The following WDR90 variants were observed in gnomAD, a reference collection of about 807,000 sequenced individuals.
WDR90 encodes WD repeat domain 90, also known as WD repeat-containing protein 90.
Under a neutral mutation model 195.2 loss-of-function variants are expected in WDR90, and 238 were observed. The ratio of observed to expected loss-of-function variants is 1.22; its 90% confidence interval spans 1.10 to 1.36. The LOEUF (loss-of-function observed/expected upper bound fraction) is 1.36. WDR90 is among the 40% of genes most tolerant of loss of function. The pLI is 0.00. For synonymous variants in WDR90, 1,265 were observed against 1,052.4 expected, an observed-to-expected ratio of 1.20 and a Z score of -3.91; for missense variants, 2,734 against 2,439.5, an observed-to-expected ratio of 1.12 and a Z score of -2.54.
At chr16:663,438 G>GAA in intron 34 of WDR90, 3 of 190,850 alleles carry the variant, frequency 1.6e-5, no homozygotes, top group Non-Finnish European at 3.3e-5. Context: ...CATCTCAAAG[G>GAA]AAAAAAAAAA....
At chr16:660,453 C>G (rs1234498813) in intron 27 of WDR90, 159 bp from the exon 28 acceptor site, 1 of 744,656 alleles carries the variant, frequency 1.3e-6, no homozygotes, top group African/African-American at 1.8e-5. Context: ...TGGCACAGTG[C>G]CCACAGCTCC....
chr16:664,343 T>C (rs1370304255), intron 34 of WDR90, among the ~76,000 whole-genome samples: 1 of 152,214 alleles, frequency 6.6e-6, no homozygotes, highest in East Asian at 1.9e-4. Flanking sequence ...ACCCTGAGCA[T>C]GGTTTCCAGG....
intron 1 of WDR90, 30 bp from the exon 2 acceptor site, chr16:649,733 C>A (rs1296634864): frequency 3.9e-6 from 6 of 1,543,262 alleles, no homozygotes; most frequent in South Asian, 1.2e-5. Flanking sequence ...GTGGCCGAGT[C>A]CCCTGACGCC....
chr16:650,308 A>T lies in WDR90; in HGVS notation c.334A>T (p.Thr112Ser). The change falls in exon 4 of 41, where the codon ACG becomes TCG. Residue 112 changes from threonine to serine, a missense_variant. Physicochemically the swap from Thr to Ser is moderately conservative, Grantham distance 58 (BLOSUM62 1). Transcript: ENST00000293879. ...CAACCTCTTCAAGGAGTTTAAGTCT[A>T]CGGCCACGTGGCTCCAGTTTCCCTT... ...FSNLFKEFKS[T>S]ATWLQFPLVL... The T allele has an allele frequency of 6.2e-7, 1 of 1,612,958 alleles. No homozygotes were observed. The highest frequency in any genetic ancestry group is 8.5e-7 in the Non-Finnish European group (1 of 1,179,974).
intron 34 of WDR90, chr16:663,702 C>G (rs1201782881): frequency 6.5e-6 from 1 of 152,760 alleles, no homozygotes; most frequent in Non-Finnish European, 1.5e-5. Context: ...ACTCATCTCT[C>G]TGGGACCTCC....
At chr16:652,654 C>A in intron 10 of WDR90, 119 bp downstream of exon 10, 6 of 1,117,220 alleles carry the variant, frequency 5.4e-6, no homozygotes, top group Non-Finnish European at 7.1e-6. Context: ...GCTCCCGAGC[C>A]CCCCTGGCAC....
At chr16:661,549 G>C (rs908834534) in intron 30 of WDR90, 48 bp downstream of exon 30, 3 of 1,580,572 alleles carry the variant, frequency 1.9e-6, no homozygotes, top group Non-Finnish European at 2.6e-6. Context: ...AGACCCCGGG[G>C]GGGGCTGCAT....
chr16:667,780 T>C lies in WDR90; in HGVS notation c.*191T>C, dbSNP rs1365857677. 3 of 759,744 alleles carry C rather than the reference T, an allele frequency of 3.9e-6. No homozygotes were observed. Among genetic ancestry groups the C allele is most frequent in the East Asian group, 2.7e-5 (1 of 36,854 alleles). 47.1% of individuals were successfully genotyped at this position (759,744 alleles called of 1,614,324 possible). On this transcript the variant is annotated 3_prime_UTR_variant, in exon 41 of 41. Transcript: ENST00000293879. ...CTTTCATACCTGTTGCCCTTTTGCC[T>C]AAGAAATCTTTAATGTTTCTATCTT...
chr16:649,827 C>G lies in WDR90; in HGVS notation c.75C>G (p.Ala25=). 1 of 1,582,924 alleles carries G rather than the reference C, an allele frequency of 6.3e-7. No individual in the cohort carries two copies. The highest frequency in any genetic ancestry group is 8.6e-7 in the Non-Finnish European group (1 of 1,165,108). The change falls in exon 2 of 41, where the codon GCC becomes GCG. Residue 25 remains alanine, a synonymous_variant. Transcript: ENST00000293879. ...HFRVDEWKRS[A]KQGDVAVVTD... The stretch of plus-strand genomic sequence containing the variant: ...GGGTGGACGAGTGGAAGCGCTCCGC[C>G]AAGCAGGGGGACGTGGCCGTGGTCA...
At chr16:650,870 A>T (rs538179777) in intron 5 of WDR90, 125 bp from the exon 6 acceptor site, 3 of 1,474,164 alleles carry the variant, frequency 2.0e-6, no homozygotes, top group Admixed American at 3.5e-5. Context: ...GTCAGAACCC[A>T]TCCCAGAGGC....
Position 665,933 on chromosome 16 carries a change from C to A in WDR90, c.4435-17C>A. On this transcript the variant is annotated splice_polypyrimidine_tract_variant and intron_variant, in intron 35 of 40. Transcript: ENST00000293879. Reference sequence around the variant, plus strand: ...GGCCCCTGTGAGTGCTGAAGTTTCCCCACTGTGGGTCCCCAGAGCTGCCTC... The same window carrying A: ...GGCCCCTGTGAGTGCTGAAGTTTCCACACTGTGGGTCCCCAGAGCTGCCTC... 6.4e-7 allele frequency: 1 copy of A among 1,573,688 alleles called. No homozygotes were observed. Among genetic ancestry groups the A allele is most frequent in the Non-Finnish European group, 8.6e-7 (1 of 1,159,998 alleles).
chr16:662,128 G>C (rs2037930071), intron 32 of WDR90, 69 bp downstream of exon 32: 1 of 1,557,784 alleles, frequency 6.4e-7, no homozygotes, highest in Non-Finnish European at 8.7e-7. Flanking sequence ...TGGGGCAGAG[G>C]CCTCATCTGT....
chr16:660,914 G>C lies in WDR90; in HGVS notation c.3392-137G>C, dbSNP rs1383323306. 10 of 791,420 alleles carry C rather than the reference G, an allele frequency of 1.3e-5. No homozygotes were observed. The East Asian group carries it at 3.9e-4, about 31-fold the overall frequency. 49.0% of individuals were successfully genotyped at this position (791,420 alleles called of 1,614,324 possible). A position where few individuals can be genotyped will look rare whatever the true frequency, so the allele number is the denominator to read the frequency against. ...GCTACTGGACGCTGGGGAGGGCGCA[G>C]CTGGGACGATGCTAACCCCTTGGCC... On this transcript the variant is annotated intron_variant, in intron 28 of 40. Coordinates refer to ENST00000293879, the MANE Select transcript of WDR90 (RefSeq NM_145294.5).
At position 666,829 on chromosome 16, in the gene WDR90, G is replaced by A. The variant is rs371866800; in HGVS notation, c.5004+37G>A. 196 of 1,612,694 alleles carry A rather than the reference G, an allele frequency of 1.2e-4. No individual in the cohort carries two copies. The African/African-American group carries it at 2.5e-3, about 20-fold the overall frequency. On this transcript the variant is annotated intron_variant, in intron 39 of 40. Coordinates refer to ENST00000293879, the MANE Select transcript of WDR90 (RefSeq NM_145294.5). Reference sequence around the variant, plus strand: ...TGCCCGCGTGTCACTGGGAGCCCCAGGGATCCAGGGTGGTGGGTGGGGCCT... The same window carrying A: ...TGCCCGCGTGTCACTGGGAGCCCCAAGGATCCAGGGTGGTGGGTGGGGCCT...
At position 666,819 on chromosome 16, in the gene WDR90, G is replaced by T. The variant is rs1486752578; in HGVS notation, c.5004+27G>T. 2.5e-6 allele frequency: 4 copies of T among 1,612,702 alleles called. 1 individual carries two copies. In the South Asian group the frequency reaches 4.4e-5, roughly 18 times the overall value. On this transcript the variant is annotated intron_variant, in intron 39 of 40. Coordinates refer to ENST00000293879, the MANE Select transcript of WDR90 (RefSeq NM_145294.5). ...TACACGCAGCTGCCCGCGTGTCACT[G>T]GGAGCCCCAGGGATCCAGGGTGGTG...
At position 661,036 on chromosome 16, in the gene WDR90, C is replaced by CCGGCCTCAGG; in HGVS notation, c.3392-14_3392-13insGGCCTCAGGC. ...CCCCCGGCCCGGCCTCAGGCCCCGC[C>CCGGCCTCAGG]CTCTCTGCGCACAGGCTTCTTTGCC... On this transcript the variant is annotated splice_polypyrimidine_tract_variant and intron_variant, in intron 28 of 40. Coordinates refer to ENST00000293879, the MANE Select transcript of WDR90 (RefSeq NM_145294.5). 7.5e-7 allele frequency: 1 copy of CCGGCCTCAGG among 1,333,438 alleles called. No individual in the cohort carries two copies. Among genetic ancestry groups the CCGGCCTCAGG allele is most frequent in the Non-Finnish European group, 9.7e-7 (1 of 1,027,880 alleles). 82.6% of individuals were successfully genotyped at this position (1,333,438 alleles called of 1,614,324 possible). A position where few individuals can be genotyped will look rare whatever the true frequency, so the allele number is the denominator to read the frequency against.
At chr16:661,299 C>T in intron 29 of WDR90, 43 bp from the exon 30 acceptor site, 1 of 1,550,848 alleles carries the variant, frequency 6.4e-7, no homozygotes, top group African/African-American at 1.4e-5. Flanking sequence ...CCACTCCAGC[C>T]AGCCACGGCC....
rs774456824 is a variant in WDR90 at position 661,910 on chromosome 16, C to G, written c.3884C>G (p.Pro1295Arg). The stretch of plus-strand genomic sequence containing the variant: ...TGCCAGGTGCGTCGAGAGCCAGTCC[C>G]AGAGGCAGTGGGGGCTGGAGAGCTG... ...ISLQVRREPV[P>R]EAVGAGELTS... The change falls in exon 32 of 41, where the codon CCA becomes CGA. Residue 1295 changes from proline (P) to arginine (R), a missense_variant. By Grantham distance (103) the Pro-to-Arg change is moderately radical. Transcript: ENST00000293879. The G allele has an allele frequency of 6.2e-7, 1 of 1,609,864 alleles. No individual in the cohort carries two copies. The highest frequency in any genetic ancestry group is 8.5e-7 in the Non-Finnish European group (1 of 1,179,322).
intron 27 of WDR90, 64 bp from the exon 28 acceptor site, chr16:660,548 G>A: frequency 1.3e-6 from 2 of 1,504,182 alleles, no homozygotes; most frequent in Non-Finnish European, 1.8e-6. Context: ...CCTCCCATGT[G>A]CAGGCTTTGG....
Sources: allele counts gnomAD v4.1 joint callset (sites outside exome capture counted in the v4.1 genomes callset), GRCh38; gene constraint gnomAD v4.1.1; transcripts MANE v1.5; gene names NCBI Gene and HGNC (gene_info 2026-07-23, HGNC 2026-07-21).